The following CXADR variants were observed in gnomAD, a reference collection of about 807,000 sequenced individuals.
CXADR encodes the protein CXADR cell adhesion molecule.
In CXADR, 20 loss-of-function variants were observed where a neutral mutation model predicts 40.3. The ratio of observed to expected loss-of-function variants is 0.50; its 90% confidence interval spans 0.35 to 0.72. The LOEUF is 0.72. Ranked by LOEUF, CXADR falls within the 30% of genes least tolerant of loss-of-function variation. The pLI, the probability that CXADR is intolerant of heterozygous loss-of-function variation, is 0.01. For missense variants in CXADR, 332 were observed against 449.1 expected, an observed-to-expected ratio of 0.74 and a Z score of 2.36; for synonymous variants, 150 against 161.3, an observed-to-expected ratio of 0.93 and a Z score of 0.53.
intron 3 of CXADR, among the ~76,000 whole-genome samples, chr21:17,556,711 T>C (rs953802864): frequency 2.0e-5 from 3 of 152,178 alleles, no homozygotes; most frequent in African/African-American, 7.2e-5. Context: ...CCTGGTCAGA[T>C]TGAAAAATAA....
chr21:17,623,407 A>ATTC, the CXADR span, among the ~76,000 whole-genome samples: 2 of 152,106 alleles, frequency 1.3e-5, no homozygotes, highest in Non-Finnish European at 2.9e-5. Context: ...ATATGTTTGT[A>ATTC]TTCACAAATC....
In CXADR at chr21:17,544,612, C is replaced by T. The variant is rs117853104; in HGVS notation, c.44-2415C>T. ...CTCTGTGGTTTGTTCACACAGTGGCCGGTGACCGAGGAGGCAAGAGTGGGT... is the reference window on the plus strand; with the variant it reads ...CTCTGTGGTTTGTTCACACAGTGGCTGGTGACCGAGGAGGCAAGAGTGGGT... On this transcript the variant is annotated intron_variant, in intron 1 of 6. Transcript: ENST00000284878. Among the ~76,000 whole-genome samples the T allele has an allele frequency of 3.1e-3, 477 of 152,172 alleles. 1 individual carries two copies. The highest frequency in any genetic ancestry group is 8.6e-3 in the Admixed American group (131 of 15,288).
intron 7 of CXADR, among the ~76,000 whole-genome samples, chr21:17,591,841 T>A (rs1210719498): frequency 4.6e-5 from 7 of 152,048 alleles, no homozygotes; most frequent in Non-Finnish European, 8.8e-5. Context: ...GAGTCATAAT[T>A]ACTACTAAAA....
At chr21:17,633,329 C>A in the CXADR span, 1 of 152,300 alleles carries the variant, frequency 6.6e-6, no homozygotes, top group Non-Finnish European at 1.5e-5. Context: ...CTTTGAGAGG[C>A]CAAGGCGGGA....
chr21:17,549,241 A>G (rs1285065209), intron 2 of CXADR, among the ~76,000 whole-genome samples: 1 of 152,220 alleles, frequency 6.6e-6, no homozygotes. Flanking sequence ...CAGAGTAACA[A>G]GTGCAGTTGG....
the CXADR span, among the ~76,000 whole-genome samples, chr21:17,629,684 A>G: frequency 6.6e-6 from 1 of 152,132 alleles, no homozygotes; most frequent in Admixed American, 6.5e-5. Flanking sequence ...AAAACATCAA[A>G]TGGAGGAGCT....
chr21:17,586,087 T>G (rs1375723980), intron 7 of CXADR, among the ~76,000 whole-genome samples: 2 of 152,172 alleles, frequency 1.3e-5, no homozygotes, highest in Non-Finnish European at 2.9e-5. Flanking sequence ...GTAATTTTTA[T>G]AGGCGATTTA....
chr21:17,529,608 A>G (rs2060644323), intron 1 of CXADR, among the ~76,000 whole-genome samples: 1 of 152,258 alleles, frequency 6.6e-6, no homozygotes, highest in African/African-American at 2.4e-5. Flanking sequence ...GGTGTGAGCC[A>G]CTGCGCCCGG....
intron 1 of CXADR, 149 bp from the exon 2 acceptor site, chr21:17,546,878 C>A: frequency 1.3e-6 from 1 of 760,654 alleles, no homozygotes; most frequent in Non-Finnish European, 2.1e-6. Flanking sequence ...AAAAACTGGG[C>A]ATCTCTTGAG....
the CXADR span, among the ~76,000 whole-genome samples, chr21:17,618,199 C>T: frequency 6.6e-6 from 1 of 152,128 alleles, no homozygotes; most frequent in Non-Finnish European, 1.5e-5. Context: ...GGAGACACTC[C>T]TCATTCATTC....
At chr21:17,630,107 T>C in the CXADR span, among the ~76,000 whole-genome samples, 37 of 152,174 alleles carry the variant, frequency 2.4e-4, no homozygotes, top group Non-Finnish European at 4.6e-4. Flanking sequence ...CAAAAATATA[T>C]TGGGCTCTTT....
At chr21:17,580,406 C>T (rs2061351760) in intron 7 of CXADR, among the ~76,000 whole-genome samples, 1 of 152,244 alleles carries the variant, frequency 6.6e-6, no homozygotes, top group Middle Eastern at 3.4e-3. Context: ...ATATCTCGAG[C>T]CCAGGAGTTG....
intron 3 of CXADR, among the ~76,000 whole-genome samples, chr21:17,558,418 G>A (rs2061064286): frequency 6.6e-6 from 1 of 152,086 alleles, no homozygotes; most frequent in South Asian, 2.1e-4. Flanking sequence ...ACTATGCCCA[G>A]CCCAGGTTTT....
the CXADR span, among the ~76,000 whole-genome samples, chr21:17,626,319 T>C: frequency 6.6e-6 from 1 of 152,240 alleles, no homozygotes; most frequent in Non-Finnish European, 1.5e-5. Context: ...AAATGTGCTA[T>C]ATACTGCAGA....
At chr21:17,629,938 C>T in the CXADR span, among the ~76,000 whole-genome samples, 3 of 152,128 alleles carry the variant, frequency 2.0e-5, no homozygotes, top group Admixed American at 2.0e-4. Context: ...TAGGAAAACA[C>T]CAAGATGGGC....
intron 1 of CXADR, 102 bp downstream of exon 1, chr21:17,513,274 G>T: frequency 8.8e-7 from 1 of 1,137,540 alleles, no homozygotes; most frequent in South Asian, 2.9e-5. Flanking sequence ...GGGCGGGCGC[G>T]ATTTGGGGGC....
Position 17,567,230 on chromosome 21 carries a change from A to G in CXADR, c.*1538A>G, listed in dbSNP as rs2061221443. On this transcript the variant is annotated 3_prime_UTR_variant, in exon 7 of 7. Coordinates refer to ENST00000284878, the MANE Select transcript of CXADR (RefSeq NM_001338.5). ...TTTGGGTGCTGTGGTGGTAAATGCT[A>G]TATTATGAACGGTGGCATGTATTTA... 2.0e-6 allele frequency: 2 copies of G among 985,404 alleles called. No individual in the cohort carries two copies. The highest frequency in any genetic ancestry group is 2.4e-6 in the Non-Finnish European group (2 of 829,920). 61.0% of individuals were successfully genotyped at this position (985,404 alleles called of 1,614,324 possible). A position where few individuals can be genotyped will look rare whatever the true frequency, so the allele number is the denominator to read the frequency against.
rs368738128 is a variant in CXADR at position 17,514,817 on chromosome 21, A to G, written c.43+1645A>G. ...CCCGGCTAACTTTTTTATTTTTAGT[A>G]GAAACCATGTTGGTCAGGCTGGTCT... On this transcript the variant is annotated intron_variant, in intron 1 of 6. Transcript: ENST00000284878. Among the ~76,000 whole-genome samples, 70 of 151,932 alleles carry G rather than the reference A, an allele frequency of 4.6e-4. 1 individual carries two copies. Among genetic ancestry groups the G allele is most frequent in the African/African-American group, 1.5e-3 (62 of 41,456 alleles).
chr21:17,552,257 T>C (rs1158091817), intron 3 of CXADR, among the ~76,000 whole-genome samples: 1 of 152,200 alleles, frequency 6.6e-6, no homozygotes, highest in African/African-American at 2.4e-5. Flanking sequence ...TTTTGCCTTG[T>C]CCTCAGAATT....
Sources: allele counts gnomAD v4.1 joint callset (sites outside exome capture counted in the v4.1 genomes callset), GRCh38; gene constraint gnomAD v4.1.1; transcripts MANE v1.5; gene names NCBI Gene and HGNC (gene_info 2026-07-23, HGNC 2026-07-21).